The following CTNNA2 variants were observed in gnomAD, a reference collection of about 807,000 sequenced individuals.
The protein encoded by CTNNA2 is catenin alpha-2.
In CTNNA2, 42 loss-of-function variants were observed where a neutral mutation model predicts 101.0. That is an observed-to-expected ratio of 0.42 (90% CI 0.32 to 0.54). The LOEUF (loss-of-function observed/expected upper bound fraction) is 0.54, where lower values mean the gene tolerates loss of function less well. Ranked by LOEUF, CTNNA2 falls within the 20% of genes least tolerant of loss-of-function variation. The pLI is 0.14. For missense variants in CTNNA2, 871 were observed against 1,223.1 expected (o/e 0.71, Z 4.29); for synonymous variants, 450 against 456.4 (o/e 0.99, Z 0.18).
intron 9 of CTNNA2, among the ~76,000 whole-genome samples, chr2:80,526,348 C>T (rs1690032128): frequency 1.3e-5 from 2 of 152,178 alleles, no homozygotes; most frequent in Non-Finnish European, 2.9e-5. Context: ...TACAGGCGTG[C>T]ATCACCACAT....
At chr2:80,271,569 A>C (rs1251994283) in intron 7 of CTNNA2, among the ~76,000 whole-genome samples, 2 of 152,120 alleles carry the variant, frequency 1.3e-5, no homozygotes, top group African/African-American at 2.4e-5. Flanking sequence ...CTACAGGCGC[A>C]AGCCACCACG....
At chr2:80,184,216 T>G (rs1705969544) in intron 7 of CTNNA2, among the ~76,000 whole-genome samples, 1 of 152,194 alleles carries the variant, frequency 6.6e-6, no homozygotes, top group Admixed American at 6.5e-5. Context: ...AATGCTCATT[T>G]GTATTTGTAC....
intron 7 of CTNNA2, among the ~76,000 whole-genome samples, chr2:80,051,295 T>C (rs1259261804): frequency 2.6e-5 from 4 of 152,168 alleles, no homozygotes; most frequent in Non-Finnish European, 5.9e-5. Context: ...ATTCACATAA[T>C]GGTGCATCCA....
intron 6 of CTNNA2, 51 bp from the exon 7 acceptor site, chr2:79,909,543 C>A: frequency 6.7e-7 from 1 of 1,493,210 alleles, no homozygotes; most frequent in Non-Finnish European, 9.2e-7. Flanking sequence ...GGTGCCAAGG[C>A]AGACCTCTCT....
chr2:79,385,935 G>C (rs1167202166), intron 4 of CTNNA2, among the ~76,000 whole-genome samples: 2 of 152,120 alleles, frequency 1.3e-5, no homozygotes, highest in Non-Finnish European at 2.9e-5. Flanking sequence ...GTCTATCATT[G>C]ATGGGCATTT....
intron 15 of CTNNA2, among the ~76,000 whole-genome samples, chr2:80,598,292 G>A (rs905893090): frequency 4.6e-5 from 7 of 152,148 alleles, no homozygotes; most frequent in Non-Finnish European, 8.8e-5. Flanking sequence ...ACACACACTG[G>A]GGCCTGTCAA....
intron 13 of CTNNA2, among the ~76,000 whole-genome samples, chr2:80,580,311 ATTCT>A (rs779302532): frequency 1.2e-4 from 19 of 152,258 alleles, no homozygotes; most frequent in Non-Finnish European, 2.2e-4. Flanking sequence ...GGGCTTATGG[ATTCT>A]TTCTTATCTT....
chr2:79,245,940 A>G (rs1674694624), intron 2 of CTNNA2, among the ~76,000 whole-genome samples: 2 of 152,232 alleles, frequency 1.3e-5, no homozygotes, highest in Non-Finnish European at 2.9e-5. Flanking sequence ...TTTATAGCTC[A>G]GAGAGGCCAC....
At chr2:80,539,813 C>A (rs1423123434) in intron 9 of CTNNA2, among the ~76,000 whole-genome samples, 4 of 152,162 alleles carry the variant, frequency 2.6e-5, no homozygotes. Flanking sequence ...ATGACCTATT[C>A]CACTTTCAGA....
At chr2:79,491,836 C>A (rs1019508843) in intron 4 of CTNNA2, among the ~76,000 whole-genome samples, 1 of 152,084 alleles carries the variant, frequency 6.6e-6, no homozygotes, top group East Asian at 1.9e-4. Flanking sequence ...TGGCCCTGTT[C>A]TTATTTAGGT....
intron 8 of CTNNA2, among the ~76,000 whole-genome samples, chr2:80,415,901 C>T (rs1384859963): frequency 6.6e-6 from 1 of 151,970 alleles, no homozygotes; most frequent in Non-Finnish European, 1.5e-5. Flanking sequence ...CATGGATGGA[C>T]TTGGAGGGCA....
At chr2:80,521,202 A>G (rs2149573731) in intron 9 of CTNNA2, among the ~76,000 whole-genome samples, 1 of 152,282 alleles carries the variant, frequency 6.6e-6, no homozygotes, top group Non-Finnish European at 1.5e-5. Flanking sequence ...GAGACCAGTT[A>G]GTAAGTTGAG....
chr2:79,990,533 A>G (rs1692097919), intron 7 of CTNNA2, among the ~76,000 whole-genome samples: 1 of 152,198 alleles, frequency 6.6e-6, no homozygotes, highest in African/African-American at 2.4e-5. Flanking sequence ...ATGTTTGGCA[A>G]ATAAACCTGT....
chr2:79,951,379 A>G (rs1688869811), intron 7 of CTNNA2, among the ~76,000 whole-genome samples: 1 of 152,204 alleles, frequency 6.6e-6, no homozygotes, highest in Non-Finnish European at 1.5e-5. Context: ...TAAAATATGT[A>G]CACATTGCCA....
chr2:79,434,541 C>T (rs192046890), intron 4 of CTNNA2, among the ~76,000 whole-genome samples: 2 of 152,244 alleles, frequency 1.3e-5, no homozygotes, highest in East Asian at 3.9e-4. Flanking sequence ...GAGTCTGGTC[C>T]TGCAGGAATG....
intron 2 of CTNNA2, among the ~76,000 whole-genome samples, chr2:79,295,954 C>CAA (rs1387141788): frequency 6.6e-6 from 1 of 152,052 alleles, no homozygotes; most frequent in Non-Finnish European, 1.5e-5. Flanking sequence ...TTTTCCTCAA[C>CAA]AAAATTGTGG....
chr2:79,729,203 A>T (rs1302953174), intron 2 of CTNNA2, among the ~76,000 whole-genome samples: 3 of 152,160 alleles, frequency 2.0e-5, no homozygotes, highest in Admixed American at 1.3e-4. Flanking sequence ...AAGTTCAATT[A>T]TTCTGACCTC....
At position 80,647,947 on chromosome 2, in the gene CTNNA2, G is replaced by T; in HGVS notation, c.*75G>T. 7.1e-7 allele frequency: 1 copy of T among 1,411,582 alleles called. No homozygotes were observed. The highest frequency in any genetic ancestry group is 2.4e-4 in the Middle Eastern group (1 of 4,200). 87.4% of individuals were successfully genotyped at this position (1,411,582 alleles called of 1,614,324 possible). On this transcript the variant is annotated 3_prime_UTR_variant, in exon 19 of 19. Transcript: ENST00000402739. ...TTTCTTTTTAATTCCATTTTTGTAT[G>T]CATACCTGCCAGCTCGTATGCCTCT...
At chr2:79,768,933 C>T (rs1476793344) in intron 3 of CTNNA2, among the ~76,000 whole-genome samples, 2 of 152,140 alleles carry the variant, frequency 1.3e-5, no homozygotes, top group Non-Finnish European at 2.9e-5. Flanking sequence ...CGGCTCACTG[C>T]AAGCTCCACC....
Sources: allele counts gnomAD v4.1 joint callset (sites outside exome capture counted in the v4.1 genomes callset), GRCh38; gene constraint gnomAD v4.1.1; transcripts MANE v1.5; gene names NCBI Gene and HGNC (gene_info 2026-07-23, HGNC 2026-07-21).